Variants in NCEH1 observed in about 807,000 individuals in gnomAD.
NCEH1 encodes 2-acetyl MAGE hydrolase.
A neutral mutation model predicts 25.4 loss-of-function variants in NCEH1; 9 were observed. The observed-to-expected ratio is 0.35, with a 90% CI of 0.21 to 0.62. NCEH1 has a LOEUF of 0.62. NCEH1 is among the 20% of genes least tolerant of loss of function. The probability of loss-of-function intolerance (pLI) is 0.72; values close to 1 mark genes in which losing one functional copy is unlikely to be tolerated. For missense variants in NCEH1, 412 were observed against 501.1 expected, an observed-to-expected ratio of 0.82 and a Z score of 1.70; for synonymous variants, 200 against 199.8, an observed-to-expected ratio of 1.00 and a Z score of -0.01.
chr3:172,699,282 G>A (rs912831306), intron 1 of NCEH1, among the ~76,000 whole-genome samples: 3 of 152,172 alleles, frequency 2.0e-5, no homozygotes, highest in African/African-American at 7.2e-5. Flanking sequence ...TTCACGAGCT[G>A]AACTGTCATC....
chr3:172,700,175 G>C (rs1225529941), intron 1 of NCEH1, among the ~76,000 whole-genome samples: 4 of 152,126 alleles, frequency 2.6e-5, no homozygotes, highest in Non-Finnish European at 4.4e-5. Context: ...TGAATAATTG[G>C]CATCAGAGTT....
At chr3:172,687,214 C>T (rs16846056) in intron 1 of NCEH1, among the ~76,000 whole-genome samples, 9,134 of 152,166 alleles carry the variant, frequency 0.06, 908 homozygotes, top group African/African-American at 0.21. Context: ...CTTCTCTTGG[C>T]CCCTGCGTGA....
At chr3:172,663,057 G>A (rs954861886) in intron 1 of NCEH1, among the ~76,000 whole-genome samples, 5 of 152,068 alleles carry the variant, frequency 3.3e-5, no homozygotes, top group African/African-American at 7.2e-5. Flanking sequence ...TGATGTTAGG[G>A]TGTCAATTTT....
rs145596279 is a variant in NCEH1 at position 172,645,311 on chromosome 3, A to G, written c.437+312T>C. ...AAGAGATTCTCTTAAAATCCTTACTACTTTTTAGATTTAAAAAGTTATATG... is the reference window on the plus strand; with the variant it reads ...AAGAGATTCTCTTAAAATCCTTACTGCTTTTTAGATTTAAAAAGTTATATG... On this transcript the variant is annotated intron_variant, in intron 3 of 4. Transcript: ENST00000475381. Among the ~76,000 whole-genome samples the G allele has an allele frequency of 3.0e-3, 450 of 152,276 alleles. 2 individuals are homozygous for G. The highest frequency in any genetic ancestry group is 0.011 in the African/African-American group (442 of 41,554).
At chr3:172,652,870 AT>A (rs33937237) in intron 1 of NCEH1, among the ~76,000 whole-genome samples, 544 of 139,438 alleles carry the variant, frequency 3.9e-3, no homozygotes, top group Admixed American at 5.2e-3. Flanking sequence ...TAATTTTTGT[AT>A]TTTTTTTTTT....
intron 1 of NCEH1, among the ~76,000 whole-genome samples, chr3:172,690,784 T>C (rs980701666): frequency 6.6e-6 from 1 of 152,196 alleles, no homozygotes; most frequent in Non-Finnish European, 1.5e-5. Flanking sequence ...ATGTTAATAG[T>C]GCATATTCAA....
At chr3:172,701,671 G>A (rs1713704941) in intron 1 of NCEH1, among the ~76,000 whole-genome samples, 1 of 134,698 alleles carries the variant, frequency 7.4e-6, no homozygotes, top group Non-Finnish European at 1.5e-5. Flanking sequence ...TCACCATACC[G>A]GCCAGGCTGG....
intron 1 of NCEH1, among the ~76,000 whole-genome samples, chr3:172,668,029 T>C (rs1469742033): frequency 1.3e-5 from 2 of 152,194 alleles, no homozygotes; most frequent in Non-Finnish European, 2.9e-5. Flanking sequence ...AAAGATGACT[T>C]AGGCCAATTT....
intron 1 of NCEH1, among the ~76,000 whole-genome samples, chr3:172,688,094 G>A (rs1712799244): frequency 6.6e-6 from 1 of 151,962 alleles, no homozygotes; most frequent in Non-Finnish European, 1.5e-5. Context: ...CAGCACCTTG[G>A]GAGGCTGAGG....
intron 1 of NCEH1, among the ~76,000 whole-genome samples, chr3:172,660,488 C>A (rs1328573551): frequency 1.3e-5 from 2 of 152,222 alleles, no homozygotes; most frequent in East Asian, 1.9e-4. Context: ...TGGGTATATA[C>A]GCAGTAATGG....
At chr3:172,675,370 A>T (rs1711934833) in intron 1 of NCEH1, among the ~76,000 whole-genome samples, 4 of 151,766 alleles carry the variant, frequency 2.6e-5, no homozygotes, top group Admixed American at 2.0e-4. Context: ...GGTGCAGCAA[A>T]CCAACATGGC....
chr3:172,699,161 CAAA>C (rs1002095414), intron 1 of NCEH1, among the ~76,000 whole-genome samples: 1 of 151,898 alleles, frequency 6.6e-6, no homozygotes, highest in African/African-American at 2.4e-5. Flanking sequence ...GGGAAGTTCT[CAAA>C]AGAGATGATT....
rs1362651061 is a variant in NCEH1 at position 172,635,999 on chromosome 3, G to T, written c.526C>A (p.Gln176Lys). 6.2e-7 allele frequency: 1 copy of T among 1,614,108 alleles called. No individual in the cohort carries two copies. Among genetic ancestry groups the T allele is most frequent in the Non-Finnish European group, 8.5e-7 (1 of 1,179,982 alleles). ...CTGCCTGGATCAACCATATACTTCT[G>T]TAAGACTTCTGGCTTCAGGAAATAC... The part of the protein sequence containing the change: ...TKYFLKPEVL[Q>K]KYMVDPGRIC... The change falls in exon 4 of 5, where the codon CAG becomes AAG. Residue 176 changes from glutamine (Q) to lysine (K), a missense_variant. Around this residue, in one of 3 missense-constraint regions of NCEH1, gnomAD observed 24 missense variants for 53.8 expected, o/e 0.45. Transcript: ENST00000475381.
At chr3:172,662,962 T>G (rs1405222334) in intron 1 of NCEH1, among the ~76,000 whole-genome samples, 1 of 152,234 alleles carries the variant, frequency 6.6e-6, no homozygotes, top group Admixed American at 6.5e-5. Flanking sequence ...TCTATCTCCT[T>G]CAGTTCTGCT....
At chr3:172,653,766 T>G (rs1173747088) in intron 1 of NCEH1, among the ~76,000 whole-genome samples, 37 of 40,228 alleles carry the variant, frequency 9.2e-4, no homozygotes, top group African/African-American at 2.4e-3. Flanking sequence ...TTTTGTTTTT[T>G]TTTTTTTTTG....
chr3:172,642,903 C>G (rs1716927578), intron 3 of NCEH1, among the ~76,000 whole-genome samples: 1 of 152,068 alleles, frequency 6.6e-6, no homozygotes, highest in South Asian at 2.1e-4. Flanking sequence ...TTTCTGTTTC[C>G]AGGAGTTCAC....
At chr3:172,709,884 G>C (rs1003809750) in intron 1 of NCEH1, among the ~76,000 whole-genome samples, 6 of 152,260 alleles carry the variant, frequency 3.9e-5, no homozygotes, top group Non-Finnish European at 8.8e-5. Context: ...GCTTGGTTTT[G>C]GAGAAGGTTA....
intron 1 of NCEH1, among the ~76,000 whole-genome samples, chr3:172,701,449 C>CTTTTTTTTTTTTTTTTTTTTT (rs10701435): frequency 2.7e-5 from 3 of 110,938 alleles, no homozygotes; most frequent in African/African-American, 1.2e-4. Flanking sequence ...GGTCTTTTGC[C>CTTTTTTTTTTTTTTTTTTTTT]TTTTTTTTTT....
intron 1 of NCEH1, among the ~76,000 whole-genome samples, chr3:172,706,385 G>A (rs4894584): frequency 0.6 from 91,459 of 151,866 alleles, 27,937 homozygotes; most frequent in East Asian, 0.84. Context: ...CTTAACACAT[G>A]GTACAAATCT....
Sources: allele counts gnomAD v4.1 joint callset (sites outside exome capture counted in the v4.1 genomes callset), GRCh38; gene constraint gnomAD v4.1.1; regional missense constraint gnomAD v4.1.1; transcripts MANE v1.5; gene names NCBI Gene and HGNC (gene_info 2026-07-23, HGNC 2026-07-21).